Variants in CNOT6 observed in about 807,000 individuals in gnomAD.
The protein encoded by CNOT6 is carbon catabolite repression 4 protein.
A neutral mutation model predicts 61.2 loss-of-function variants in CNOT6; 12 were observed. The ratio of observed to expected loss-of-function variants is 0.20; its 90% confidence interval spans 0.13 to 0.32. The LOEUF is 0.32. Among genes scored for constraint, CNOT6 ranks in the 10% least tolerant of loss-of-function variants. The pLI is 1.00. For synonymous variants in CNOT6, 225 were observed against 240.6 expected (o/e 0.94, Z 0.60); for missense variants, 405 against 663.9 (o/e 0.61, Z 4.28).
intron 2 of CNOT6, among the ~76,000 whole-genome samples, chr5:180,542,007 T>C (rs1353746759): frequency 1.2e-4 from 19 of 152,112 alleles, no homozygotes; most frequent in Admixed American, 1.2e-3. Context: ...GCGTATGTCA[T>C]GGTGAGTTCT....
chr5:180,533,328 A>G (rs1194795714), intron 2 of CNOT6, among the ~76,000 whole-genome samples: 1 of 66,276 alleles, frequency 1.5e-5, no homozygotes, highest in African/African-American at 3.5e-5. Flanking sequence ...ATATATATAT[A>G]TATATATATA....
At chr5:180,517,932 C>T (rs1214066452) in intron 1 of CNOT6, among the ~76,000 whole-genome samples, 1 of 152,182 alleles carries the variant, frequency 6.6e-6, no homozygotes, top group Non-Finnish European at 1.5e-5. Flanking sequence ...TTTTTAGTTA[C>T]GTGTCTCCAT....
Position 180,567,148 on chromosome 5 carries a change from A to G in CNOT6, c.778A>G (p.Asn260Asp). The change falls in exon 8 of 12, where the codon AAT becomes GAT. Residue 260 changes from asparagine (N) to aspartate (D), a missense_variant. Physicochemically the swap from Asn to Asp is conservative, Grantham distance 23. Around this residue, in one of 5 missense-constraint regions of CNOT6, gnomAD observed 212 missense variants for 307.1 expected, o/e 0.69. Transcript: ENST00000261951. ...GGTAGAGCTGAAAGAACGTGGCTAT[A>G]ATGGATTCTTCAGTCCTAAGTCTAG... ...FLVELKERGY[N>D]GFFSPKSRAR... 2 of 1,613,992 alleles carry G rather than the reference A, an allele frequency of 1.2e-6. No individual in the cohort carries two copies. The highest frequency in any genetic ancestry group is 1.7e-6 in the Non-Finnish European group (2 of 1,179,956).
At chr5:180,519,833 C>CTTT (rs35658678) in intron 1 of CNOT6, among the ~76,000 whole-genome samples, 48 of 135,276 alleles carry the variant, frequency 3.5e-4, no homozygotes, top group East Asian at 2.1e-3. Flanking sequence ...TATCCATTTG[C>CTTT]TTTTTTTTTT....
At chr5:180,518,427 A>G (rs1168120137) in intron 1 of CNOT6, among the ~76,000 whole-genome samples, 2 of 152,156 alleles carry the variant, frequency 1.3e-5, no homozygotes, top group African/African-American at 4.8e-5. Flanking sequence ...TACTTCTGCA[A>G]CACTTCAGTA....
At chr5:180,526,619 G>A (rs563982622) in intron 1 of CNOT6, among the ~76,000 whole-genome samples, 57 of 152,318 alleles carry the variant, frequency 3.7e-4, no homozygotes, top group African/African-American at 1.3e-3. Context: ...GCAGTATACA[G>A]AGTCTGAGGA....
At chr5:180,519,833 CT>C (rs35658678) in intron 1 of CNOT6, among the ~76,000 whole-genome samples, 59,670 of 135,024 alleles carry the variant, frequency 0.44, 13,891 homozygotes, top group Non-Finnish European at 0.56. Context: ...TATCCATTTG[CT>C]TTTTTTTTTT....
chr5:180,569,737 T>C (rs1760648719), intron 10 of CNOT6, among the ~76,000 whole-genome samples: 1 of 152,186 alleles, frequency 6.6e-6, no homozygotes, highest in African/African-American at 2.4e-5. Flanking sequence ...TTGCATGTAT[T>C]TATAACTTGA....
At chr5:180,523,403 A>G (rs1176444872) in intron 1 of CNOT6, among the ~76,000 whole-genome samples, 1 of 151,944 alleles carries the variant, frequency 6.6e-6, no homozygotes, top group Admixed American at 6.6e-5. Flanking sequence ...CTATTTTGTA[A>G]CTACAAATCC....
chr5:180,546,214 G>A (rs1475853029), intron 2 of CNOT6, among the ~76,000 whole-genome samples: 1 of 150,910 alleles, frequency 6.6e-6, no homozygotes, highest in Non-Finnish European at 1.5e-5. Flanking sequence ...ATTTTAATGT[G>A]GTTATTTCTA....
chr5:180,506,707 T>A (rs1274972233), intron 1 of CNOT6, among the ~76,000 whole-genome samples: 2 of 152,234 alleles, frequency 1.3e-5, no homozygotes, highest in East Asian at 1.9e-4. Context: ...ATTAAAGTCC[T>A]TTCTATTTTC....
chr5:180,508,236 G>A (rs954332607), intron 1 of CNOT6, among the ~76,000 whole-genome samples: 2 of 152,164 alleles, frequency 1.3e-5, no homozygotes, highest in Admixed American at 6.6e-5. Flanking sequence ...GAAGGGTCAA[G>A]GATATGCTCA....
intron 1 of CNOT6, among the ~76,000 whole-genome samples, chr5:180,509,186 C>T (rs1426135278): frequency 6.6e-6 from 1 of 152,094 alleles, no homozygotes; most frequent in Non-Finnish European, 1.5e-5. Context: ...GACTGGAATG[C>T]AGTGGTGCGA....
intron 2 of CNOT6, chr5:180,534,365 T>G (rs1758563467): frequency 5.6e-6 from 1 of 178,762 alleles, no homozygotes; most frequent in Non-Finnish European, 1.2e-5. Flanking sequence ...TGGAGGTGAT[T>G]AGGTAGAGGA....
chr5:180,542,426 A>G (rs1759096741), intron 2 of CNOT6, among the ~76,000 whole-genome samples: 1 of 151,748 alleles, frequency 6.6e-6, no homozygotes, highest in South Asian at 2.1e-4. Context: ...CACCACACCC[A>G]GCTAATTTTT....
At chr5:180,514,329 G>A (rs553637717) in intron 1 of CNOT6, among the ~76,000 whole-genome samples, 5 of 152,290 alleles carry the variant, frequency 3.3e-5, no homozygotes, top group Admixed American at 2.6e-4. Flanking sequence ...GGCTGAGGCA[G>A]GAGAATTGCT....
intron 11 of CNOT6, among the ~76,000 whole-genome samples, chr5:180,573,208 T>C (rs1164362035): frequency 6.6e-6 from 1 of 152,086 alleles, no homozygotes; most frequent in African/African-American, 2.4e-5. Flanking sequence ...CAAGAGCATG[T>C]AGAGGGGAGG....
intron 1 of CNOT6, among the ~76,000 whole-genome samples, chr5:180,511,110 G>C (rs1364121286): frequency 1.3e-5 from 2 of 152,000 alleles, no homozygotes; most frequent in South Asian, 2.1e-4. Context: ...CAGACAGGCA[G>C]GTTTTTTTTG....
At chr5:180,555,717 A>G (rs531332503) in intron 4 of CNOT6, among the ~76,000 whole-genome samples, 1 of 152,316 alleles carries the variant, frequency 6.6e-6, no homozygotes, top group South Asian at 2.1e-4. Flanking sequence ...TCTGAAAACT[A>G]TCATTGATTT....
Sources: gnomAD v4.1 joint callset for allele counts (sites outside exome capture counted in the v4.1 genomes callset) on GRCh38, gnomAD v4.1.1 for gene constraint, gnomAD v4.1.1 regional missense constraint, MANE v1.5 for transcripts, NCBI Gene and HGNC (gene_info 2026-07-23, HGNC 2026-07-21) for gene names.